LPP: variants seen among roughly 807,000 people sequenced by gnomAD.
LPP encodes LIM domain containing preferred translocation partner in lipoma.
In LPP, 38 loss-of-function variants were observed where a neutral mutation model predicts 60.4. The observed-to-expected ratio is 0.63, with a 90% CI of 0.49 to 0.83. The LOEUF is 0.83. Among genes scored for constraint, LPP ranks in the 40% least tolerant of loss-of-function variants. LPP has a pLI of 0.00. For synonymous variants in LPP, 328 were observed against 290.8 expected (o/e 1.13, Z -1.30); for missense variants, 902 against 783.6 (o/e 1.15, Z -1.80).
At chr3:188,318,258 A>T (rs1287799891) in intron 2 of LPP, among the ~76,000 whole-genome samples, 1 of 152,152 alleles carries the variant, frequency 6.6e-6, no homozygotes, top group Non-Finnish European at 1.5e-5. Flanking sequence ...GTTCAGGAGG[A>T]ATTCTGATAA....
intron 3 of LPP, among the ~76,000 whole-genome samples, chr3:188,357,135 G>C (rs1171193867): frequency 2.0e-5 from 3 of 152,150 alleles, no homozygotes; most frequent in African/African-American, 7.2e-5. Context: ...ACAAACCAAG[G>C]TAGAGACTAT....
chr3:188,433,247 A>G (rs1247088440), intron 4 of LPP, among the ~76,000 whole-genome samples: 1 of 152,188 alleles, frequency 6.6e-6, no homozygotes, highest in Admixed American at 6.6e-5. Context: ...CATCACAACC[A>G]CCATTTCAAA....
chr3:188,515,476 C>T (rs1376466067), intron 5 of LPP, among the ~76,000 whole-genome samples: 1 of 152,146 alleles, frequency 6.6e-6, no homozygotes, highest in African/African-American at 2.4e-5. Context: ...AGCTATTGTT[C>T]TATAGTGATG....
chr3:188,578,626 CT>C (rs5855210), intron 6 of LPP, among the ~76,000 whole-genome samples: 22,260 of 150,282 alleles, frequency 0.15, 1,704 homozygotes, highest in Middle Eastern at 0.2. Context: ...CATTCCCTCA[CT>C]TTTTTTTTTC....
At chr3:188,726,770 A>C (rs1159208195) in intron 8 of LPP, among the ~76,000 whole-genome samples, 1 of 152,204 alleles carries the variant, frequency 6.6e-6, no homozygotes, top group Non-Finnish European at 1.5e-5. Context: ...AATAAACAGC[A>C]ATAGCAACAT....
chr3:188,194,187 T>C (rs1264915461), intron 1 of LPP, among the ~76,000 whole-genome samples: 2 of 152,350 alleles, frequency 1.3e-5, no homozygotes, highest in East Asian at 3.9e-4. Context: ...AGTGTATTGA[T>C]GGTAAATTTA....
At chr3:188,427,333 G>A (rs1789656473) in intron 4 of LPP, among the ~76,000 whole-genome samples, 1 of 152,188 alleles carries the variant, frequency 6.6e-6, no homozygotes, top group Non-Finnish European at 1.5e-5. Flanking sequence ...CTGTTAGTCT[G>A]ATGAGGTTCC....
intron 1 of LPP, among the ~76,000 whole-genome samples, chr3:188,169,148 T>G (rs1720851179): frequency 6.6e-6 from 1 of 152,266 alleles, no homozygotes; most frequent in African/African-American, 2.4e-5. Context: ...CAATCTTTTC[T>G]TTTTTCTTCA....
intron 9 of LPP, among the ~76,000 whole-genome samples, chr3:188,781,593 T>C (rs1739679780): frequency 6.6e-6 from 1 of 151,662 alleles, no homozygotes; most frequent in East Asian, 1.9e-4. Context: ...TATAAAACTA[T>C]CACCCCCTGC....
chr3:188,207,586 A>T (rs1577297594), intron 1 of LPP, among the ~76,000 whole-genome samples: 2 of 139,282 alleles, frequency 1.4e-5, no homozygotes, highest in African/African-American at 5.3e-5. Context: ...CTTCTCAGTC[A>T]TTGCTGGGGT....
chr3:188,616,883 TTTG>T (rs1273537113), intron 7 of LPP, among the ~76,000 whole-genome samples: 4 of 152,192 alleles, frequency 2.6e-5, no homozygotes, highest in Non-Finnish European at 5.9e-5. Context: ...TTTATAATCA[TTTG>T]TTATTAGCAT....
In LPP at chr3:188,524,684, C is replaced by T. The variant is rs1165985705; in HGVS notation, c.326C>T (p.Thr109Ile). ...CAACAGGGGAATCCCGGAGGCAAGA[C>T]ACTTGAGGAGAGGCGCTCCAGCCTG... ...FKVQGNPGGK[T>I]LEERRSSLDA... is the part of the protein sequence containing the mutation. The change falls in exon 6 of 12, where the codon ACA becomes ATA. Residue 109 changes from threonine to isoleucine, a missense_variant. By Grantham distance (89) the Thr-to-Ile change is moderately conservative. Coordinates refer to ENST00000617246, the MANE Select transcript of LPP (RefSeq NM_001375462.1). 6.2e-6 allele frequency: 10 copies of T among 1,613,724 alleles called. No individual in the cohort carries two copies. The highest frequency in any genetic ancestry group is 4.5e-5 in the East Asian group (2 of 44,854).
intron 9 of LPP, among the ~76,000 whole-genome samples, chr3:188,804,243 T>TTATATATATATA (rs60989319): frequency 0.035 from 1,331 of 37,508 alleles, 83 homozygotes; most frequent in East Asian, 0.049. Context: ...TAGTGCATCT[T>TTATATATATATA]TATATATATA....
At chr3:188,276,336 C>T (rs1036616952) in intron 2 of LPP, among the ~76,000 whole-genome samples, 1 of 152,166 alleles carries the variant, frequency 6.6e-6, no homozygotes, top group African/African-American at 2.4e-5. Context: ...CGGACCCCAA[C>T]TTCGTATTCC....
Position 188,399,610 on chromosome 3 carries a change from G to A in LPP, c.-9-6502G>A, listed in dbSNP as rs145900193. ...TTGAGTTAGTTGCCAGGAAGATATA[G>A]GGACTAATACAATGTCATTTAAAGA... On this transcript the variant is annotated intron_variant, in intron 3 of 11. Coordinates refer to ENST00000617246, the MANE Select transcript of LPP (RefSeq NM_001375462.1). Among the ~76,000 whole-genome samples the A allele has an allele frequency of 1.3e-3, 200 of 152,280 alleles. 1 individual carries two copies. The East Asian group carries it at 0.022, about 17-fold the overall frequency.
chr3:188,703,939 G>A (rs1042518062), intron 7 of LPP, among the ~76,000 whole-genome samples: 1 of 152,158 alleles, frequency 6.6e-6, no homozygotes, highest in Non-Finnish European at 1.5e-5. Context: ...CTGATATTAG[G>A]TTGAGACAAT....
chr3:188,294,425 A>C (rs1415822117), intron 2 of LPP, among the ~76,000 whole-genome samples: 1 of 152,200 alleles, frequency 6.6e-6, no homozygotes, highest in Non-Finnish European at 1.5e-5. Flanking sequence ...AAAATAGTGC[A>C]TAGTGCCAAG....
chr3:188,615,020 C>A (rs1228292305), intron 7 of LPP, among the ~76,000 whole-genome samples: 1 of 152,196 alleles, frequency 6.6e-6, no homozygotes, highest in East Asian at 1.9e-4. Flanking sequence ...TCACTTGAAC[C>A]ATTGAAATGG....
rs553805114 is a variant in LPP at position 188,489,542 on chromosome 3, C to G, written c.306+4838C>G. Reference sequence around the variant, plus strand: ...GGCCTTGTGTTTCTAACTGTGGAACCTACTCTTTGTTCTGAAACCATTGAC... The same window carrying G: ...GGCCTTGTGTTTCTAACTGTGGAACGTACTCTTTGTTCTGAAACCATTGAC... On this transcript the variant is annotated intron_variant, in intron 5 of 11. Coordinates refer to ENST00000617246, the MANE Select transcript of LPP (RefSeq NM_001375462.1). 7.2e-5 allele frequency among the ~76,000 whole-genome samples: 11 copies of G among 152,268 alleles called. No individual in the cohort carries two copies. In the South Asian group the frequency reaches 2.3e-3, roughly 32 times the overall value.
Sources: allele counts gnomAD v4.1 joint callset (sites outside exome capture counted in the v4.1 genomes callset), GRCh38; gene constraint gnomAD v4.1.1; transcripts MANE v1.5; gene names NCBI Gene and HGNC (gene_info 2026-07-23, HGNC 2026-07-21).